The following ALOXE3 variants were observed in gnomAD, a reference collection of about 807,000 sequenced individuals.
ALOXE3 encodes hydroperoxide isomerase ALOXE3.
Under a neutral mutation model 87.5 loss-of-function variants are expected in ALOXE3, and 78 were observed. That is an observed-to-expected ratio of 0.89 (90% CI 0.74 to 1.08). The LOEUF (loss-of-function observed/expected upper bound fraction) is 1.08, where lower values mean the gene tolerates loss of function less well. Among genes scored for constraint, ALOXE3 ranks in the 50% least tolerant of loss-of-function variants. The pLI is 0.00. For synonymous variants in ALOXE3, 363 were observed against 370.8 expected, an observed-to-expected ratio of 0.98 and a Z score of 0.24; for missense variants, 946 against 912.4, an observed-to-expected ratio of 1.04 and a Z score of -0.47.
At chr17:8,100,829 A>AAC (rs954976196) in intron 15 of ALOXE3, among the ~76,000 whole-genome samples, 20 of 151,964 alleles carry the variant, frequency 1.3e-4, no homozygotes, top group East Asian at 9.7e-4. Flanking sequence ...AAAAAAACAG[A>AAC]ACACACACAC....
chr17:8,110,353 C>A lies in ALOXE3; in HGVS notation c.1101+32G>T, dbSNP rs533555282. On this transcript the variant is annotated intron_variant, in intron 9 of 15. Coordinates refer to ENST00000448843, the MANE Select transcript of ALOXE3 (RefSeq NM_021628.3). ...TCCGGGCTGGCGGTTAGCACCTGAG[C>A]CCCCATCCCGGGGCGGCGGCGCCGG... The A allele has an allele frequency of 1.9e-5, 30 of 1,606,254 alleles. No homozygotes were observed. The East Asian group carries it at 6.5e-4, about 35-fold the overall frequency.
rs767286443 is a variant in ALOXE3 at position 8,116,876 on chromosome 17, A to G, written c.252T>C (p.Cys84=). ...CCGGTTCGGTGACACAGATGCGGCT[A>G]CAGTACCAAGAGTCCTTGCGGAAGA... ...YAFFRKDSWY[C]SRICVTEPDG... Residue 84 remains cysteine, a synonymous_variant, in exon 3 of 16, where the codon TGT becomes TGC. Transcript: ENST00000448843. The G allele has an allele frequency of 4.0e-5, 65 of 1,614,132 alleles. No individual in the cohort carries two copies. In the African/African-American group the frequency reaches 5.1e-4, roughly 13 times the overall value.
chr17:8,106,928 G>A (rs1284574879), intron 13 of ALOXE3, among the ~76,000 whole-genome samples: 1 of 152,118 alleles, frequency 6.6e-6, no homozygotes, highest in Non-Finnish European at 1.5e-5. Context: ...GACTGACTGA[G>A]GTTAATAAGT....
chr17:8,110,061 C>T lies in ALOXE3; in HGVS notation c.1305+31G>A, dbSNP rs759726176. ...CGGGGACAAGGCCGCCCGGCCCCTGCCCCGCTGGGCCCCCACCCGGGGTCG... is the reference window on the plus strand; with the variant it reads ...CGGGGACAAGGCCGCCCGGCCCCTGTCCCGCTGGGCCCCCACCCGGGGTCG... On this transcript the variant is annotated intron_variant, in intron 10 of 15. Transcript: ENST00000448843. 3.8e-6 allele frequency: 6 copies of T among 1,591,292 alleles called. No individual in the cohort carries two copies. The African/African-American group carries it at 6.9e-5, about 18-fold the overall frequency.
intron 14 of ALOXE3, 26 bp from the exon 15 acceptor site, chr17:8,103,519 G>A (rs1487567830): frequency 6.2e-7 from 1 of 1,612,998 alleles, no homozygotes; most frequent in African/African-American, 1.3e-5. Context: ...TCCCAGTTGG[G>A]TCAGTTGGCC....
intron 11 of ALOXE3, 121 bp downstream of exon 11, chr17:8,109,795 G>GA (rs1979863291): frequency 1.0e-6 from 1 of 991,596 alleles, no homozygotes; most frequent in Non-Finnish European, 1.5e-6. Context: ...TGATTGTACA[G>GA]GTGTTCTCAC....
In ALOXE3 at chr17:8,110,073, C is replaced by T; in HGVS notation, c.1305+19G>A. ...CGCCCGGCCCCTGCCCCGCTGGGCC[C>T]CCACCCGGGGTCGCGGACCTTGTAG... is the stretch of plus-strand genomic sequence containing the variant. On this transcript the variant is annotated intron_variant, in intron 10 of 15. Coordinates refer to ENST00000448843, the MANE Select transcript of ALOXE3 (RefSeq NM_021628.3). The T allele has an allele frequency of 6.2e-7, 1 of 1,601,754 alleles. No homozygotes were observed. The highest frequency in any genetic ancestry group is 8.5e-7 in the Non-Finnish European group (1 of 1,175,504).
At chr17:8,096,971 C>A (rs146272824) in intron 15 of ALOXE3, among the ~76,000 whole-genome samples, 165 bp from the exon 16 acceptor site, 1 of 152,130 alleles carries the variant, frequency 6.6e-6, no homozygotes, top group Admixed American at 6.5e-5. Context: ...GATCCTGACA[C>A]GAGGCCCCCC....
intron 6 of ALOXE3, 113 bp from the exon 7 acceptor site, chr17:8,112,309 G>T: frequency 1.3e-6 from 1 of 790,126 alleles, no homozygotes; most frequent in Non-Finnish European, 2.2e-6. Flanking sequence ...GAGTAGAGAT[G>T]CCTAACAATC....
chr17:8,116,981 C>T lies in ALOXE3; in HGVS notation c.148-1G>A. ...TGCAACGCACCTTGTACTTCTGTAC[C>T]TGAGGGGACCAAGACAGCAAGCAGG... is the stretch of plus-strand genomic sequence containing the variant. On this transcript the variant is annotated splice_acceptor_variant, in intron 2 of 15. Coordinates refer to ENST00000448843, the MANE Select transcript of ALOXE3 (RefSeq NM_021628.3). LOFTEE classifies it high-confidence loss of function. The T allele has an allele frequency of 3.1e-6, 5 of 1,613,170 alleles. No individual in the cohort carries two copies. The highest frequency in any genetic ancestry group is 3.4e-6 in the Non-Finnish European group (4 of 1,179,526).
chr17:8,114,287 G>A (rs896755387), intron 6 of ALOXE3, among the ~76,000 whole-genome samples, 197 bp downstream of exon 6: 2 of 142,160 alleles, frequency 1.4e-5, no homozygotes, highest in African/African-American at 5.2e-5. Context: ...ACAAGGGGGA[G>A]ACAAGGGCAG....
intron 11 of ALOXE3, 148 bp downstream of exon 11, chr17:8,109,768 G>T: frequency 3.7e-6 from 3 of 816,296 alleles, no homozygotes; most frequent in Non-Finnish European, 5.8e-6. Context: ...AGTGGGCGGG[G>T]CTGGTGGAAG....
At chr17:8,108,161 C>G (rs1258544929) in intron 13 of ALOXE3, among the ~76,000 whole-genome samples, 1 of 152,036 alleles carries the variant, frequency 6.6e-6, no homozygotes, top group African/African-American at 2.4e-5. Context: ...AGAGATGGCT[C>G]CCACTGCACG....
intron 6 of ALOXE3, among the ~76,000 whole-genome samples, chr17:8,113,572 G>A (rs1249596419): frequency 6.6e-6 from 1 of 152,146 alleles, no homozygotes; most frequent in Non-Finnish European, 1.5e-5. Flanking sequence ...AGAATTGCTT[G>A]AACCCAGGAA....
chr17:8,117,911 A>G lies in ALOXE3; in HGVS notation c.80T>C (p.Val27Ala). ...CTTGGGGCTTTCACCACACGTGCCC[A>G]CCAGTGTGACAGAGATGTTGTCCAG... ...GTLDNISVTL[V>A]GTCGESPKQR... The change falls in exon 2 of 16, where the codon GTG (valine) becomes GCG (alanine). Residue 27 changes from valine to alanine, a missense_variant. Coordinates refer to ENST00000448843, the MANE Select transcript of ALOXE3 (RefSeq NM_021628.3). 1 of 1,612,264 alleles carries G rather than the reference A, an allele frequency of 6.2e-7. No individual in the cohort carries two copies. Among genetic ancestry groups the G allele is most frequent in the East Asian group, 2.2e-5 (1 of 44,850 alleles).
At chr17:8,106,228 A>G (rs1047565377) in intron 13 of ALOXE3, among the ~76,000 whole-genome samples, 3 of 152,110 alleles carry the variant, frequency 2.0e-5, no homozygotes, top group African/African-American at 7.2e-5. Context: ...CAGAGAGGGA[A>G]ACATGAGTCA....
In ALOXE3 at chr17:8,118,505, T is replaced by C; in HGVS notation, c.-333A>G. On this transcript the variant is annotated 5_prime_UTR_variant, in exon 1 of 16. Coordinates refer to ENST00000448843, the MANE Select transcript of ALOXE3 (RefSeq NM_021628.3). ...GGGCACCTGCATTCCTACGTGTGAA[T>C]CATCCGTGTGAATCACTAAACAGTG... is the stretch of plus-strand genomic sequence containing the variant. 1 of 1,540,992 alleles carries C rather than the reference T, an allele frequency of 6.5e-7. No individual in the cohort carries two copies. The highest frequency in any genetic ancestry group is 8.7e-7 in the Non-Finnish European group (1 of 1,144,674).
chr17:8,099,983 T>C (rs1978822305), intron 15 of ALOXE3, among the ~76,000 whole-genome samples: 1 of 151,988 alleles, frequency 6.6e-6, no homozygotes, highest in Non-Finnish European at 1.5e-5. Context: ...AGAGAATTTC[T>C]TGAGCCCAGG....
Position 8,118,015 on chromosome 17 carries a change from C to T in ALOXE3, c.-25G>A. The T allele has an allele frequency of 6.2e-7, 1 of 1,607,448 alleles. No individual in the cohort carries two copies. Among genetic ancestry groups the T allele is most frequent in the Non-Finnish European group, 8.5e-7 (1 of 1,178,864 alleles). On this transcript the variant is annotated 5_prime_UTR_variant, in exon 2 of 16. Coordinates refer to ENST00000448843, the MANE Select transcript of ALOXE3 (RefSeq NM_021628.3). The stretch of plus-strand genomic sequence containing the variant: ...TGATGGGAAGGAGGAAGGGATGCCC[C>T]GGCAACGCTGGCCGCAGCAGCAGCC...
Sources: gnomAD v4.1 joint callset for allele counts (sites outside exome capture counted in the v4.1 genomes callset) on GRCh38, gnomAD v4.1.1 for gene constraint, MANE v1.5 for transcripts, NCBI Gene and HGNC (gene_info 2026-07-23, HGNC 2026-07-21) for gene names.